The following RAPGEF3 variants were observed in gnomAD, a reference collection of about 807,000 sequenced individuals.
RAPGEF3 encodes the protein 9330170P05Rik.
RAPGEF3 carries 103 observed loss-of-function variants against 129.8 expected under a neutral mutation model. The observed-to-expected ratio is 0.79, with a 90% CI of 0.68 to 0.93. RAPGEF3 has a LOEUF of 0.93. Ranked by LOEUF, RAPGEF3 falls within the 40% of genes least tolerant of loss-of-function variation. The pLI is 0.00. For synonymous variants in RAPGEF3, 436 were observed against 482.6 expected (o/e 0.90, Z 1.26); for missense variants, 1,117 against 1,207.4 (o/e 0.93, Z 1.11).
chr12:47,741,610 GAC>G lies in RAPGEF3; in HGVS notation c.1826-10_1826-9del. 1.3e-6 allele frequency: 2 copies of G among 1,576,018 alleles called. No homozygotes were observed. The highest frequency in any genetic ancestry group is 1.3e-5 in the African/African-American group (1 of 74,294). ...GCTGCAGGCCAATGGCATCTGCAAA[GAC>G]AGCAGAGGCGGACTGGGTGGGGGAA... On this transcript the variant is annotated splice_polypyrimidine_tract_variant and intron_variant, in intron 18 of 27. Transcript: ENST00000449771.
At chr12:47,751,261 G>T (rs1350559859) in intron 5 of RAPGEF3, 45 bp from the exon 6 acceptor site, 12 of 1,546,674 alleles carry the variant, frequency 7.8e-6, no homozygotes, top group Middle Eastern at 3.4e-4. Context: ...GGAAATTGAG[G>T]CTATGTGGGT....
At chr12:47,744,500 G>T (rs73105847) in intron 16 of RAPGEF3, 15,033 of 205,840 alleles carry the variant, frequency 0.073, 676 homozygotes, top group Middle Eastern at 0.091. Context: ...TGAAATAAAT[G>T]AGGCTCAGAG....
Position 47,749,345 on chromosome 12 carries a change from C to T in RAPGEF3, c.1041+45G>A. ...CCCTACTCCTCTCTCCACATCACTT[C>T]TCTGGACGAATGGCCCCTGCCCTCC... On this transcript the variant is annotated intron_variant, in intron 10 of 27. Coordinates refer to ENST00000449771, the MANE Select transcript of RAPGEF3 (RefSeq NM_001098531.4). This position sits in a 1 kb window ranked among gnomAD's most constrained non-coding sequence, Gnocchi z 4.5. The T allele has an allele frequency of 4.4e-6, 7 of 1,605,816 alleles. No homozygotes were observed. The highest frequency in any genetic ancestry group is 5.9e-6 in the Non-Finnish European group (7 of 1,179,056).
intron 2 of RAPGEF3, chr12:47,756,066 A>G (rs1942033419): frequency 6.6e-6 from 1 of 152,018 alleles, no homozygotes; most frequent in Admixed American, 6.6e-5. Flanking sequence ...CTAGTCACCA[A>G]CGCCCACCTG....
At chr12:47,753,704 T>C (rs1046535702) in intron 2 of RAPGEF3, among the ~76,000 whole-genome samples, 6 of 152,186 alleles carry the variant, frequency 3.9e-5, no homozygotes, top group African/African-American at 1.4e-4. Context: ...GAACAAACAG[T>C]GCCTGAGTGC....
chr12:47,740,025 A>G, intron 23 of RAPGEF3, 116 bp downstream of exon 23: 1 of 1,309,732 alleles, frequency 7.6e-7, no homozygotes, highest in Non-Finnish European at 1.1e-6. Context: ...GAACCCTGAA[A>G]GTGACAAAGG....
In RAPGEF3 at chr12:47,740,453, C is replaced by G; in HGVS notation, c.2232-58G>C. On this transcript the variant is annotated intron_variant, in intron 21 of 27. Coordinates refer to ENST00000449771, the MANE Select transcript of RAPGEF3 (RefSeq NM_001098531.4). ...AAGGGAAGCAGCCACCCCTACAGTG[C>G]CCCCAGACAACAGCCAGGCCAGCCT... 4 of 1,556,388 alleles carry G rather than the reference C, an allele frequency of 2.6e-6. No individual in the cohort carries two copies. The South Asian group carries it at 3.4e-5, about 13-fold the overall frequency.
At position 47,740,940 on chromosome 12, in the gene RAPGEF3, C is replaced by T. The variant is rs1275597002; in HGVS notation, c.2024G>A (p.Trp675Ter). 6.2e-7 allele frequency: 1 copy of T among 1,613,978 alleles called. No individual in the cohort carries two copies. Among genetic ancestry groups the T allele is most frequent in the East Asian group, 2.2e-5 (1 of 44,880 alleles). The change falls in exon 20 of 28, where the codon TGG becomes TAG. Residue 675 changes from tryptophan (W) to a stop codon, truncating the protein, a stop_gained. Coordinates refer to ENST00000449771, the MANE Select transcript of RAPGEF3 (RefSeq NM_001098531.4). LOFTEE classifies it high-confidence loss of function. ...DLAGQLTDHD[W>*]SLFNSIHQVE... ...CTGGTGGATACTGTTGAAGAGGCTC[C>T]AGTCGTGGTCCGTCAGCTGGCCTGC... is the stretch of plus-strand genomic sequence containing the variant.
chr12:47,746,027 A>C (rs73302702), intron 16 of RAPGEF3: 17,019 of 152,656 alleles, frequency 0.11, 1,038 homozygotes, highest in African/African-American at 0.15. Flanking sequence ...GAGGACACCA[A>C]GGCAGAGCGT....
chr12:47,739,670 A>G (rs1189837652), intron 23 of RAPGEF3: 1 of 360,736 alleles, frequency 2.8e-6, no homozygotes, highest in Non-Finnish European at 5.3e-6. Flanking sequence ...AATCCTCAAA[A>G]GTTCCTGGAG....
rs768499017 is a variant in RAPGEF3, at chr12:47,747,725, G to C, written c.1460C>G (p.Thr487Ser). Residue 487 changes from threonine to serine, a missense_variant, in exon 14 of 28, where the codon ACC becomes AGC. Coordinates refer to ENST00000449771, the MANE Select transcript of RAPGEF3 (RefSeq NM_001098531.4). ...GSMLHTDPVA[T>S]SFLQKLSDLV... ...ACTCCCAGGTACCTGGAGGAAGCTG[G>C]TGGCCACAGGGTCAGTGTGGAGCAT... The C allele has an allele frequency of 3.1e-6, 5 of 1,610,718 alleles. No homozygotes were observed. The East Asian group carries it at 1.1e-4, about 36-fold the overall frequency.
intron 16 of RAPGEF3, 71 bp downstream of exon 16, chr12:47,746,789 G>C: frequency 1.4e-6 from 2 of 1,464,088 alleles, no homozygotes; most frequent in Non-Finnish European, 1.9e-6. Context: ...GAGCCCCTCA[G>C]GGTCAGGGGG....
chr12:47,747,061 C>T (rs1941464251), intron 15 of RAPGEF3, among the ~76,000 whole-genome samples, 162 bp from the exon 16 acceptor site: 1 of 152,096 alleles, frequency 6.6e-6, no homozygotes, highest in Non-Finnish European at 1.5e-5. Flanking sequence ...GGTCTTGAAA[C>T]CAGGCCCCCA....
Position 47,751,455 on chromosome 12 carries a change from C to G in RAPGEF3, c.446G>C (p.Arg149Pro). 6.2e-7 allele frequency: 1 copy of G among 1,614,170 alleles called. No homozygotes were observed. Among genetic ancestry groups the G allele is most frequent in the Non-Finnish European group, 8.5e-7 (1 of 1,180,016 alleles). The change falls in exon 5 of 28, where the codon CGG becomes CCG. Residue 149 changes from arginine (R) to proline (P), a missense_variant. Physicochemically the swap from Arg to Pro is moderately radical, Grantham distance 103 (BLOSUM62 -2). This residue lies in a region of RAPGEF3 where 367 missense variants were observed against 373.4 expected (regional missense o/e 0.98). Coordinates refer to ENST00000449771, the MANE Select transcript of RAPGEF3 (RefSeq NM_001098531.4). ...CTGGCAGATTCCCACAACTTGGCTC[C>G]GGGAATGGACCCCAAGTCCCAGGGC... is the stretch of plus-strand genomic sequence containing the variant. ...ILALGLGVHS[R>P]SQVVGICQVL... is the part of the protein sequence containing the mutation.
At chr12:47,737,985 C>A in intron 27 of RAPGEF3, 37 bp downstream of exon 27, 1 of 1,544,188 alleles carries the variant, frequency 6.5e-7, no homozygotes, top group Non-Finnish European at 9.0e-7. Context: ...ACCATAAGCA[C>A]CCCCTCCCTG....
At position 47,735,231 on chromosome 12, in the gene RAPGEF3, C is replaced by A. The variant is rs1461246793; in HGVS notation, c.*2336G>T. On this transcript the variant is annotated 3_prime_UTR_variant, in exon 28 of 28. Coordinates refer to ENST00000449771, the MANE Select transcript of RAPGEF3 (RefSeq NM_001098531.4). ...TCTGCACACCTTCTTCTCAGCAGTC[C>A]CATGAGCCCCTCCTCCCTTTGTGGC... 6.6e-6 allele frequency: 1 copy of A among 152,314 alleles called. No individual in the cohort carries two copies. Among genetic ancestry groups the A allele is most frequent in the African/African-American group, 2.4e-5 (1 of 41,432 alleles). The allele number at this position is 152,314 out of a possible 1,614,324, so 9.4% of individuals were successfully genotyped here.
Position 47,740,921 on chromosome 12 carries a change from G to C in RAPGEF3, c.2043C>G (p.Ile681Met). Reference protein sequence around the residue: ...TDHDWSLFNSIHQVELIHYVL... With the variant: ...TDHDWSLFNSMHQVELIHYVL... Reference sequence around the variant, plus strand: ...CCAGCTCTGCCTCCCATACCTGGTGGATACTGTTGAAGAGGCTCCAGTCGT... The same window carrying C: ...CCAGCTCTGCCTCCCATACCTGGTGCATACTGTTGAAGAGGCTCCAGTCGT... The change falls in exon 20 of 28, where the codon ATC becomes ATG. Residue 681 changes from isoleucine (I) to methionine (M), a missense_variant. By Grantham distance (10) the Ile-to-Met change is conservative. Transcript: ENST00000449771. 6.2e-7 allele frequency: 1 copy of C among 1,614,054 alleles called. No individual in the cohort carries two copies.
chr12:47,758,132 G>T, intron 1 of RAPGEF3, 54 bp from the exon 2 acceptor site: 1 of 1,525,856 alleles, frequency 6.6e-7, no homozygotes. Flanking sequence ...GGGCGGCTGG[G>T]CCACAGTACA....
chr12:47,750,079 C>T, intron 7 of RAPGEF3, 89 bp from the exon 8 acceptor site: 4 of 1,465,386 alleles, frequency 2.7e-6, no homozygotes, highest in Non-Finnish European at 3.8e-6. Context: ...GGTCCAAAGA[C>T]ACAAGTGCTG....
Sources: allele counts gnomAD v4.1 joint callset (sites outside exome capture counted in the v4.1 genomes callset), GRCh38; gene constraint gnomAD v4.1.1; regional missense constraint gnomAD v4.1.1; non-coding constraint Gnocchi (gnomAD v3.1); transcripts MANE v1.5; gene names NCBI Gene and HGNC (gene_info 2026-07-23, HGNC 2026-07-21).